Variants in AUTS2 observed in about 807,000 individuals in gnomAD.
AUTS2 encodes activator of transcription and developmental regulator AUTS2, also known as autism susceptibility gene 2 protein.
A neutral mutation model predicts 112.4 loss-of-function variants in AUTS2; 17 were observed. The observed-to-expected ratio is 0.15, with a 90% CI of 0.10 to 0.23. The LOEUF is 0.23. Ranked by LOEUF, AUTS2 falls within the 10% of genes least tolerant of loss-of-function variation. AUTS2 has a pLI of 1.00. For missense variants in AUTS2, 1,510 were observed against 1,701.6 expected, an observed-to-expected ratio of 0.89 and a Z score of 1.98; for synonymous variants, 751 against 702.7, an observed-to-expected ratio of 1.07 and a Z score of -1.09.
At chr7:70,603,871 T>G (rs1803598017) in intron 5 of AUTS2, among the ~76,000 whole-genome samples, 1 of 152,206 alleles carries the variant, frequency 6.6e-6, no homozygotes, top group Admixed American at 6.5e-5. Context: ...TAACTACTAT[T>G]TATTGAGGAC....
At chr7:70,389,754 G>A (rs904028077) in intron 4 of AUTS2, among the ~76,000 whole-genome samples, 5 of 151,774 alleles carry the variant, frequency 3.3e-5, no homozygotes, top group Admixed American at 1.3e-4. Flanking sequence ...CTCTCATAAC[G>A]TTAAATTTTT....
intron 4 of AUTS2, among the ~76,000 whole-genome samples, chr7:70,211,819 T>A (rs1810917695): frequency 6.6e-6 from 1 of 151,538 alleles, no homozygotes; most frequent in South Asian, 2.1e-4. Context: ...ATCCCGTCTC[T>A]ACTAAAAATA....
At chr7:70,726,870 T>TTTAAAGCATCTAAAAGCC (rs1787066126) in intron 6 of AUTS2, among the ~76,000 whole-genome samples, 1 of 152,216 alleles carries the variant, frequency 6.6e-6, no homozygotes, top group Non-Finnish European at 1.5e-5. Context: ...ATTATCTTAT[T>TTTAAAGCATCTAAAAGCC]TTAAAGCATC....
chr7:70,701,926 G>C (rs949736306), intron 6 of AUTS2, among the ~76,000 whole-genome samples: 3 of 152,106 alleles, frequency 2.0e-5, no homozygotes. Context: ...ACCCTATTTA[G>C]TTGATTGAAA....
intron 1 of AUTS2, among the ~76,000 whole-genome samples, chr7:69,730,517 C>T (rs985170868): frequency 1.3e-5 from 2 of 152,144 alleles, no homozygotes; most frequent in African/African-American, 4.8e-5. Flanking sequence ...ATCAGGAGCT[C>T]GTGTTATTCA....
At chr7:69,877,432 G>T (rs1173870794) in intron 1 of AUTS2, among the ~76,000 whole-genome samples, 1 of 152,152 alleles carries the variant, frequency 6.6e-6, no homozygotes, top group Non-Finnish European at 1.5e-5. Context: ...GAATTAGAAA[G>T]TAATAAAGAA....
At chr7:70,510,482 G>A (rs947131662) in intron 5 of AUTS2, among the ~76,000 whole-genome samples, 1 of 152,122 alleles carries the variant, frequency 6.6e-6, no homozygotes, top group Non-Finnish European at 1.5e-5. Flanking sequence ...AGTGGCCCAG[G>A]TACCCAAGGG....
chr7:70,252,480 C>T (rs1158880783), intron 4 of AUTS2, among the ~76,000 whole-genome samples: 1 of 151,978 alleles, frequency 6.6e-6, no homozygotes, highest in Admixed American at 6.6e-5. Context: ...ATTTGAGTTC[C>T]TTATATATTT....
intron 2 of AUTS2, among the ~76,000 whole-genome samples, chr7:70,090,957 G>A (rs975054785): frequency 6.6e-6 from 1 of 152,208 alleles, no homozygotes; most frequent in Non-Finnish European, 1.5e-5. Context: ...GGGGATTACA[G>A]GCATGAACTG....
chr7:69,663,122 G>A (rs1442734195), intron 1 of AUTS2: 1 of 152,146 alleles, frequency 6.6e-6, no homozygotes, highest in Non-Finnish European at 1.5e-5. Context: ...TTTGGAATTA[G>A]GCTTTTAAAA....
intron 5 of AUTS2, among the ~76,000 whole-genome samples, chr7:70,511,723 G>A (rs1219020917): frequency 6.6e-6 from 1 of 151,652 alleles, no homozygotes; most frequent in Admixed American, 6.6e-5. Context: ...TTACAAGCAT[G>A]CGCCACCATG....
intron 1 of AUTS2, among the ~76,000 whole-genome samples, chr7:69,686,356 T>A (rs567664590): frequency 7.2e-4 from 109 of 152,276 alleles, no homozygotes; most frequent in African/African-American, 2.6e-3. Context: ...CATCTCCTTG[T>A]GTCTAAAAAT....
chr7:70,755,315 C>T (rs942416543), intron 6 of AUTS2, among the ~76,000 whole-genome samples: 1 of 151,622 alleles, frequency 6.6e-6, no homozygotes, highest in African/African-American at 2.4e-5. Context: ...TAAAACTATG[C>T]ACCATACACA....
At chr7:69,795,326 A>G (rs1789792018) in intron 1 of AUTS2, among the ~76,000 whole-genome samples, 2 of 152,180 alleles carry the variant, frequency 1.3e-5, no homozygotes, top group Non-Finnish European at 2.9e-5. Flanking sequence ...ATGTTTTAGG[A>G]TGTATACACA....
chr7:70,050,973 C>T (rs907554919), intron 2 of AUTS2, among the ~76,000 whole-genome samples: 3 of 152,056 alleles, frequency 2.0e-5, no homozygotes, highest in Non-Finnish European at 4.4e-5. Context: ...CCAGCCTGGG[C>T]GACAGAGCGA....
At chr7:70,686,479 T>A (rs1001099618) in intron 5 of AUTS2, among the ~76,000 whole-genome samples, 1 of 152,200 alleles carries the variant, frequency 6.6e-6, no homozygotes, top group Non-Finnish European at 1.5e-5. Flanking sequence ...CTAGACCAAC[T>A]ACCTCTTAGT....
At chr7:70,403,327 C>A (rs1234240202) in intron 4 of AUTS2, among the ~76,000 whole-genome samples, 2 of 152,234 alleles carry the variant, frequency 1.3e-5, no homozygotes, top group Non-Finnish European at 2.9e-5. Flanking sequence ...TACATTGATA[C>A]TTGGAATTAA....
chr7:69,814,487 T>C (rs1435715175), intron 1 of AUTS2, among the ~76,000 whole-genome samples: 1 of 152,200 alleles, frequency 6.6e-6, no homozygotes, highest in Non-Finnish European at 1.5e-5. Context: ...ACCCATTGTG[T>C]GTATGGGCTC....
chr7:70,790,688 C>A lies in AUTS2; in HGVS notation c.3472C>A (p.Leu1158Ile). The A allele has an allele frequency of 6.2e-7, 1 of 1,613,724 alleles. No individual in the cohort carries two copies. ...GGACGAGCGGGAGCGCTTGCACATG[C>A]TCAGAGAAGACTACGAGCACACGCG... ...HLDERERLHMLREDYEHTRLH... is the reference protein window; with the variant it reads ...HLDERERLHMIREDYEHTRLH... Residue 1158 changes from leucine (L) to isoleucine (I), a missense_variant, in exon 19 of 19, where the codon CTC becomes ATC. Coordinates refer to ENST00000342771, the MANE Select transcript of AUTS2 (RefSeq NM_015570.4). The surrounding 1 kb of genome is among the most constrained non-coding windows in gnomAD (Gnocchi z 7.6).
Sources: gnomAD v4.1 joint callset for allele counts (sites outside exome capture counted in the v4.1 genomes callset) on GRCh38, gnomAD v4.1.1 for gene constraint, Gnocchi (gnomAD v3.1) non-coding constraint, MANE v1.5 for transcripts, NCBI Gene and HGNC (gene_info 2026-07-23, HGNC 2026-07-21) for gene names.